Variants in ADD3 observed in about 807,000 individuals in gnomAD.
ADD3 encodes the protein adducin 3.
In ADD3, 25 loss-of-function variants were observed where a neutral mutation model predicts 80.2. The ratio of observed to expected loss-of-function variants is 0.31; its 90% CI spans 0.23 to 0.44. The LOEUF (loss-of-function observed/expected upper bound fraction) is 0.44. Among genes scored for constraint, ADD3 ranks in the 20% least tolerant of loss-of-function variants. ADD3 has a pLI of 1.00. For synonymous variants in ADD3, 284 were observed against 289.6 expected, an observed-to-expected ratio of 0.98 and a Z score of 0.20; for missense variants, 829 against 847.5, an observed-to-expected ratio of 0.98 and a Z score of 0.27.
intron 9 of ADD3, among the ~76,000 whole-genome samples, chr10:110,122,625 A>T (rs1480688264): frequency 6.4e-5 from 5 of 78,412 alleles, no homozygotes; most frequent in Admixed American, 1.8e-4. Context: ...CTCTACTTTT[A>T]TGAGTTCAAC....
At chr10:110,127,201 G>C (rs1270654429) in intron 12 of ADD3, among the ~76,000 whole-genome samples, 2 of 151,944 alleles carry the variant, frequency 1.3e-5, no homozygotes, top group Admixed American at 1.3e-4. Flanking sequence ...CATGTTTGCT[G>C]CTAAGCCAGG....
chr10:110,081,955 G>C (rs1846105864), intron 1 of ADD3, among the ~76,000 whole-genome samples: 1 of 152,170 alleles, frequency 6.6e-6, no homozygotes, highest in African/African-American at 2.4e-5. Context: ...CAGTCAAATA[G>C]ATTGTAGTTT....
In ADD3 at chr10:110,100,844, G is replaced by C. The variant is rs1848733248; in HGVS notation, c.191G>C (p.Ser64Thr). The C allele has an allele frequency of 6.3e-7, 1 of 1,591,776 alleles. No individual in the cohort carries two copies. The highest frequency in any genetic ancestry group is 8.5e-7 in the Non-Finnish European group (1 of 1,170,758). Residue 64 changes from serine to threonine, a missense_variant, in exon 2 of 15, where the codon AGT (serine) becomes ACT (threonine). Coordinates refer to ENST00000356080, the MANE Select transcript of ADD3 (RefSeq NM_016824.5). ...AAACGAGTTACTCAGATCCTGCAAA[G>C]TCCTGTGAGTTGAATTAGAAGGCTG... is the stretch of plus-strand genomic sequence containing the variant. ...QRKRVTQILQ[S>T]PAFREDLECL...
In ADD3 at chr10:110,032,992, G is replaced by C. The variant is rs547628417; in HGVS notation, c.-30+24693G>C. Among the ~76,000 whole-genome samples the C allele has an allele frequency of 6.6e-5, 10 of 152,246 alleles. No individual in the cohort carries two copies. The East Asian group carries it at 1.2e-3, about 18-fold the overall frequency. On this transcript the variant is annotated intron_variant, in intron 1 of 14. Coordinates refer to ENST00000356080, the MANE Select transcript of ADD3 (RefSeq NM_016824.5). ...GCTCTCATCCCTAGGCTTTATAAAA[G>C]AGACAGTGGCAGCCTTGTGGGTGAG...
intron 1 of ADD3, among the ~76,000 whole-genome samples, chr10:110,065,001 T>C (rs775752142): frequency 4.6e-5 from 7 of 152,048 alleles, no homozygotes; most frequent in Non-Finnish European, 8.8e-5. Flanking sequence ...GAGGTTGCAG[T>C]GAGCTGAGAT....
intron 12 of ADD3, 145 bp downstream of exon 12, chr10:110,126,648 A>T: frequency 1.6e-6 from 1 of 629,498 alleles, no homozygotes; most frequent in South Asian, 2.1e-5. Flanking sequence ...GTCACCCACA[A>T]TTCCCAGTTT....
At chr10:110,063,773 A>ATATATG in intron 1 of ADD3, among the ~76,000 whole-genome samples, 1 of 121,852 alleles carries the variant, frequency 8.2e-6, no homozygotes, top group Non-Finnish European at 1.7e-5. Flanking sequence ...ATATATATAT[A>ATATATG]TATATATATA....
At chr10:110,056,401 A>G (rs1464170404) in intron 1 of ADD3, among the ~76,000 whole-genome samples, 3 of 152,368 alleles carry the variant, frequency 2.0e-5, no homozygotes, top group African/African-American at 7.2e-5. Context: ...GGAAAGTGCA[A>G]TTGAAAACTA....
upstream of ADD3, among the ~76,000 whole-genome samples, chr10:110,006,679 CAA>C (rs1851660304): frequency 6.6e-6 from 1 of 151,926 alleles, no homozygotes; most frequent in African/African-American, 2.4e-5. Flanking sequence ...TGTGTCAAGA[CAA>C]GATTCATTTT....
intron 2 of ADD3, among the ~76,000 whole-genome samples, chr10:110,110,525 G>A (rs1000724718): frequency 6.6e-6 from 1 of 152,098 alleles, no homozygotes; most frequent in African/African-American, 2.4e-5. Flanking sequence ...TTATGGTTGA[G>A]CACCCAAGAT....
intron 1 of ADD3, among the ~76,000 whole-genome samples, chr10:110,031,406 A>G (rs1855009604): frequency 6.6e-6 from 1 of 152,248 alleles, no homozygotes; most frequent in Admixed American, 6.5e-5. Context: ...TATATTCTAA[A>G]TTACGAAGAA....
intron 1 of ADD3, among the ~76,000 whole-genome samples, chr10:110,035,169 A>G (rs1322628837): frequency 1.3e-5 from 2 of 152,222 alleles, no homozygotes; most frequent in African/African-American, 4.8e-5. Flanking sequence ...GGATTCTTTC[A>G]TATTGAAATA....
chr10:110,064,494 G>A (rs566172033), intron 1 of ADD3, among the ~76,000 whole-genome samples: 50 of 152,272 alleles, frequency 3.3e-4, no homozygotes, highest in Middle Eastern at 3.4e-3. Flanking sequence ...AACTAATGAT[G>A]ATGGGCACTT....
intron 1 of ADD3, among the ~76,000 whole-genome samples, chr10:110,056,309 C>T (rs147942183): frequency 6.6e-6 from 1 of 152,132 alleles, no homozygotes; most frequent in Non-Finnish European, 1.5e-5. Context: ...ACTTTGTGTT[C>T]TTACATTGAA....
At chr10:110,033,904 G>T (rs924260825) in intron 1 of ADD3, among the ~76,000 whole-genome samples, 1 of 152,140 alleles carries the variant, frequency 6.6e-6, no homozygotes. Flanking sequence ...GATTTCTCAG[G>T]ATAAATAGTG....
chr10:110,006,589 G>A (rs1851652125), upstream of ADD3, among the ~76,000 whole-genome samples: 1 of 152,160 alleles, frequency 6.6e-6, no homozygotes, highest in African/African-American at 2.4e-5. Context: ...GATTTTTTGA[G>A]CAAATGGGAG....
intron 1 of ADD3, among the ~76,000 whole-genome samples, chr10:110,079,461 AGTGTGTGT>A (rs1164637976): frequency 1.1e-3 from 111 of 97,448 alleles, no homozygotes; most frequent in East Asian, 1.7e-3. Flanking sequence ...AGAGAGAGAG[AGTGTGTGT>A]GTGTGTGTGT....
Position 110,129,368 on chromosome 10 carries a change from C to T in ADD3, c.1609-995C>T, listed in dbSNP as rs146832706. ...TTCTCCATGTTGGTCAGGCTAGTCT[C>T]GAACTCTGGACCTCAGGTGATCTGC... On this transcript the variant is annotated intron_variant, in intron 12 of 14. Coordinates refer to ENST00000356080, the MANE Select transcript of ADD3 (RefSeq NM_016824.5). Among the ~76,000 whole-genome samples, 69 of 152,114 alleles carry T rather than the reference C, an allele frequency of 4.5e-4. No individual in the cohort carries two copies. In the East Asian group the frequency reaches 0.013, roughly 29 times the overall value.
intron 9 of ADD3, 74 bp downstream of exon 9, chr10:110,122,366 G>A (rs753106576): frequency 7.3e-7 from 1 of 1,378,560 alleles, no homozygotes; most frequent in Non-Finnish European, 1.0e-6. Flanking sequence ...CATTTTTGTA[G>A]AACATGCTCC....
Sources: allele counts gnomAD v4.1 joint callset (sites outside exome capture counted in the v4.1 genomes callset), GRCh38; gene constraint gnomAD v4.1.1; transcripts MANE v1.5; gene names NCBI Gene and HGNC (gene_info 2026-07-23, HGNC 2026-07-21).